The following TTC1 variants were observed in gnomAD, a reference collection of about 807,000 sequenced individuals.
TTC1 encodes tetratricopeptide repeat domain 1, also known as tetratricopeptide repeat protein 1.
TTC1 carries 31 observed loss-of-function variants against 37.6 expected under a neutral mutation model. The ratio of observed to expected loss-of-function variants is 0.82; its 90% CI spans 0.62 to 1.11. The LOEUF (loss-of-function observed/expected upper bound fraction) is 1.11. TTC1 is among the 50% of genes most tolerant of loss of function. TTC1 has a pLI of 0.00. For missense variants in TTC1, 351 were observed against 339.0 expected (o/e 1.04, Z -0.28); for synonymous variants, 127 against 122.4 (o/e 1.04, Z -0.25).
intron 1 of TTC1, 129 bp from the exon 2 acceptor site, chr5:160,010,371 A>T: frequency 1.8e-6 from 1 of 558,308 alleles, no homozygotes; most frequent in Non-Finnish European, 3.1e-6. Context: ...ATTTTTAAAT[A>T]ATGAATTCCA....
chr5:160,041,313 CTTT>C (rs368094676), intron 4 of TTC1, among the ~76,000 whole-genome samples: 4 of 135,578 alleles, frequency 3.0e-5, no homozygotes, highest in Admixed American at 7.6e-5. Flanking sequence ...TGCTTTCTTT[CTTT>C]TTTTTTTTTT....
At chr5:160,047,994 C>G (rs1757295900) in intron 5 of TTC1, among the ~76,000 whole-genome samples, 1 of 151,984 alleles carries the variant, frequency 6.6e-6, no homozygotes, top group South Asian at 2.1e-4. Flanking sequence ...TGTCTTGTTT[C>G]CCACTATAGC....
intron 2 of TTC1, among the ~76,000 whole-genome samples, chr5:160,012,730 CT>C (rs1351536414): frequency 1.3e-5 from 2 of 152,058 alleles, no homozygotes; most frequent in African/African-American, 4.8e-5. Flanking sequence ...CTTTTTTTCA[CT>C]TTTTTCCTCC....
At chr5:160,058,612 C>T (rs557598174) in intron 7 of TTC1, among the ~76,000 whole-genome samples, 1 of 151,936 alleles carries the variant, frequency 6.6e-6, no homozygotes, top group Admixed American at 6.5e-5. Flanking sequence ...AGGGTTTCAC[C>T]GTGGTAGCCA....
intron 2 of TTC1, among the ~76,000 whole-genome samples, chr5:160,031,742 C>T (rs561579598): frequency 1.2e-4 from 19 of 152,270 alleles, no homozygotes; most frequent in African/African-American, 4.6e-4. Context: ...TGGCTCACAC[C>T]TATAATCCCA....
rs547230144 is a variant in TTC1 at position 160,011,770 on chromosome 5, T to A, written c.330+912T>A. On this transcript the variant is annotated intron_variant, in intron 2 of 7. Coordinates refer to ENST00000231238, the MANE Select transcript of TTC1 (RefSeq NM_003314.3). ...GGTAGTCTCTGAAGAGTTACTGTAA[T>A]GTCTTGAGTTTGTCTACAAAGAACT... Among the ~76,000 whole-genome samples, 8 of 152,344 alleles carry A rather than the reference T, an allele frequency of 5.3e-5. No homozygotes were observed. The South Asian group carries it at 1.7e-3, about 32-fold the overall frequency.
At chr5:160,029,954 T>C (rs1756879947) in intron 2 of TTC1, among the ~76,000 whole-genome samples, 1 of 152,196 alleles carries the variant, frequency 6.6e-6, no homozygotes, top group Non-Finnish European at 1.5e-5. Flanking sequence ...AGGAGCCTCT[T>C]CTGCCCAGGT....
intron 7 of TTC1, among the ~76,000 whole-genome samples, chr5:160,052,876 A>G (rs1757440308): frequency 6.6e-6 from 1 of 152,226 alleles, no homozygotes; most frequent in African/African-American, 2.4e-5. Flanking sequence ...GGTTGCTTCT[A>G]AAATGAATTC....
chr5:160,065,022 C>T lies in TTC1; in HGVS notation c.836C>T (p.Ser279Leu), dbSNP rs370929511. 6.2e-6 allele frequency: 10 copies of T among 1,613,498 alleles called. No individual in the cohort carries two copies. The highest frequency in any genetic ancestry group is 4.4e-5 in the South Asian group (4 of 90,890). Residue 279 changes from serine to leucine, a missense_variant, in exon 8 of 8, where the codon TCG (serine) becomes TTG (leucine). Ser to Leu is a moderately radical substitution (Grantham distance 145). Coordinates refer to ENST00000231238, the MANE Select transcript of TTC1 (RefSeq NM_003314.3). ...ATCAAACAGGATTCCTCTACCGGCT[C>T]GTACTCCATCAATTTCGTTCAAAAT... is the stretch of plus-strand genomic sequence containing the variant. ...FQIKQDSSTGSYSINFVQNPN... is the reference protein window; with the variant it reads ...FQIKQDSSTGLYSINFVQNPN...
intron 7 of TTC1, among the ~76,000 whole-genome samples, chr5:160,064,268 C>T (rs1753531008): frequency 1.3e-5 from 2 of 152,190 alleles, no homozygotes; most frequent in African/African-American, 4.8e-5. Flanking sequence ...CACGCCCATC[C>T]TATATACCTC....
rs534975296 is a variant in TTC1, at chr5:160,036,794, G to C, written c.495G>C (p.Arg165Ser). 1.2e-6 allele frequency: 2 copies of C among 1,610,714 alleles called. No individual in the cohort carries two copies. Among genetic ancestry groups the C allele is most frequent in the Non-Finnish European group, 8.5e-7 (1 of 1,177,422 alleles). ...TATTTTCAAATAGAGCTGCAGCAAG[G>C]ATGAAACAGGTATGTATCTGTGACC... ...SILFSNRAAA[R>S]MKQDKKEMAI... The change falls in exon 4 of 8, where the codon AGG (arginine) becomes AGC (serine). Residue 165 changes from arginine (R) to serine (S), a missense_variant. By Grantham distance (110) the Arg-to-Ser change is moderately radical. Coordinates refer to ENST00000231238, the MANE Select transcript of TTC1 (RefSeq NM_003314.3).
At chr5:160,026,887 A>G (rs1300311879) in intron 2 of TTC1, among the ~76,000 whole-genome samples, 1 of 151,590 alleles carries the variant, frequency 6.6e-6, no homozygotes, top group African/African-American at 2.4e-5. Flanking sequence ...TTTGTATTAG[A>G]TAATATTTTC....
rs1235314123 is a variant in TTC1 at position 160,020,102 on chromosome 5, TA to T, written c.330+9245del. Among the ~76,000 whole-genome samples, 3 of 151,954 alleles carry T rather than the reference TA, an allele frequency of 2.0e-5. No homozygotes were observed. In the East Asian group the frequency reaches 5.8e-4, roughly 29 times the overall value. On this transcript the variant is annotated intron_variant, in intron 2 of 7. Transcript: ENST00000231238. ...CACCACCACACCCAGCTAATTTTTG[TA>T]TTTTTAGTAGAGACGGAGTTTCACC...
intron 2 of TTC1, among the ~76,000 whole-genome samples, chr5:160,011,565 A>T (rs1486260177): frequency 6.6e-6 from 1 of 152,258 alleles, no homozygotes; most frequent in Non-Finnish European, 1.5e-5. Flanking sequence ...TTGGATTCCA[A>T]AGCTAGAGTA....
At chr5:160,036,864 T>C (rs1757007598) in intron 4 of TTC1, 61 bp downstream of exon 4, 1 of 1,234,032 alleles carries the variant, frequency 8.1e-7, no homozygotes, top group Non-Finnish European at 1.2e-6. Flanking sequence ...TTTCATACCA[T>C]AGTTTCTCTC....
rs560935189 is a variant in TTC1 at position 160,057,513 on chromosome 5, G to A, written c.745+6330G>A. On this transcript the variant is annotated intron_variant, in intron 7 of 7. Transcript: ENST00000231238. This position sits in a 1 kb window ranked among gnomAD's most constrained non-coding sequence, Gnocchi z 4.4. ...AATCATTTTGCTGCTGGAGGGCCTT[G>A]CCTCCACGTGGATGGTTGCTGACTG... Among the ~76,000 whole-genome samples, 17 of 152,306 alleles carry A rather than the reference G, an allele frequency of 1.1e-4. No individual in the cohort carries two copies. The Middle Eastern group carries it at 0.01, about 91-fold the overall frequency.
chr5:160,046,743 G>GT (rs1222295262), intron 5 of TTC1, among the ~76,000 whole-genome samples: 1 of 152,210 alleles, frequency 6.6e-6, no homozygotes, highest in African/African-American at 2.4e-5. Flanking sequence ...GCCGGGCACA[G>GT]TGGCTCACGC....
At chr5:160,052,751 AT>A (rs1757438287) in intron 7 of TTC1, among the ~76,000 whole-genome samples, 1 of 151,940 alleles carries the variant, frequency 6.6e-6, no homozygotes, top group African/African-American at 2.4e-5. Context: ...TAAAACTTCC[AT>A]TTGTCCTTGT....
Position 160,036,549 on chromosome 5 carries a change from G to C in TTC1, c.392-142G>C, listed in dbSNP as rs2271944. On this transcript the variant is annotated intron_variant, in intron 3 of 7. Coordinates refer to ENST00000231238, the MANE Select transcript of TTC1 (RefSeq NM_003314.3). ...GAAAAGAAGAAATGATTTTTACTGC[G>C]CCAGACTTAATAGACTGTTACCATC... 60,085 of 603,664 alleles carry C rather than the reference G, an allele frequency of 0.1. 3,717 individuals carry two copies. The highest frequency in any genetic ancestry group is 0.22 in the Admixed American group (7,650 of 34,870). The allele number at this position is 603,664 out of a possible 1,614,324, so 37.4% of individuals were successfully genotyped here. A position where few individuals can be genotyped will look rare whatever the true frequency, so the allele number is the denominator to read the frequency against.
Sources: gnomAD v4.1 joint callset for allele counts (sites outside exome capture counted in the v4.1 genomes callset) on GRCh38, gnomAD v4.1.1 for gene constraint, Gnocchi (gnomAD v3.1) non-coding constraint, MANE v1.5 for transcripts, NCBI Gene and HGNC (gene_info 2026-07-23, HGNC 2026-07-21) for gene names.